Variants in UGGT2 observed in about 807,000 individuals in gnomAD.
The protein encoded by UGGT2 is UDP-glucose glycoprotein glucosyltransferase 2.
Under a neutral mutation model 192.1 loss-of-function variants are expected in UGGT2, and 180 were observed. The observed-to-expected ratio is 0.94, with a 90% CI of 0.83 to 1.06. The LOEUF is 1.06. Among genes scored for constraint, UGGT2 ranks in the 50% least tolerant of loss-of-function variants. The pLI is 0.00. For synonymous variants in UGGT2, 580 were observed against 591.0 expected (o/e 0.98, Z 0.27); for missense variants, 1,849 against 1,795.7 (o/e 1.03, Z -0.54).
At chr13:95,893,191 C>G (rs1400754560) in intron 24 of UGGT2, among the ~76,000 whole-genome samples, 1 of 151,816 alleles carries the variant, frequency 6.6e-6, no homozygotes, top group Non-Finnish European at 1.5e-5. Flanking sequence ...TTCTTATAAG[C>G]CAATTTAAAT....
intron 15 of UGGT2, among the ~76,000 whole-genome samples, chr13:95,942,169 T>C (rs958800026): frequency 7.2e-5 from 11 of 151,928 alleles, no homozygotes; most frequent in African/African-American, 2.4e-4. Flanking sequence ...TGAATGATTC[T>C]GCTAACAATA....
intron 1 of UGGT2, among the ~76,000 whole-genome samples, chr13:96,051,368 C>T (rs2053480612): frequency 6.6e-6 from 1 of 152,082 alleles, no homozygotes. Flanking sequence ...TTAGGAGATA[C>T]ACCTAATGTA....
chr13:96,050,664 G>A (rs9562017), intron 1 of UGGT2, among the ~76,000 whole-genome samples: 59,147 of 152,036 alleles, frequency 0.39, 11,733 homozygotes, highest in Middle Eastern at 0.43. Context: ...ATCAAAAAGT[G>A]GGTGAAGGAT....
At chr13:95,885,834 G>A (rs2047629877) in intron 26 of UGGT2, among the ~76,000 whole-genome samples, 1 of 152,150 alleles carries the variant, frequency 6.6e-6, no homozygotes, top group South Asian at 2.1e-4. Context: ...TACAATTTCA[G>A]TGGCAAAGAG....
chr13:95,928,091 ATCTC>A (rs956613982), intron 17 of UGGT2, among the ~76,000 whole-genome samples: 6 of 152,166 alleles, frequency 3.9e-5, no homozygotes, highest in Non-Finnish European at 7.4e-5. Flanking sequence ...TAACAATCTG[ATCTC>A]TCTTTCTTTT....
chr13:95,915,661 G>C (rs947395212), intron 20 of UGGT2, among the ~76,000 whole-genome samples: 5 of 152,222 alleles, frequency 3.3e-5, no homozygotes, highest in African/African-American at 1.2e-4. Context: ...TTCCGGGGGA[G>C]GGTGGCCACC....
chr13:95,880,051 G>A (rs2047450073), intron 27 of UGGT2, among the ~76,000 whole-genome samples: 1 of 152,028 alleles, frequency 6.6e-6, no homozygotes, highest in Non-Finnish European at 1.5e-5. Context: ...TAGCCCTCTG[G>A]CCCCGTGACA....
At chr13:95,839,832 C>T (rs549639327) in intron 36 of UGGT2, among the ~76,000 whole-genome samples, 1 of 152,172 alleles carries the variant, frequency 6.6e-6, no homozygotes, top group African/African-American at 2.4e-5. Flanking sequence ...GCTATCATAG[C>T]GAGTATGAAG....
chr13:95,949,312 T>A (rs762007823), intron 13 of UGGT2, 23 bp downstream of exon 13: 1 of 1,487,716 alleles, frequency 6.7e-7, no homozygotes, highest in African/African-American at 1.4e-5. Flanking sequence ...GATATATATG[T>A]ATAATCAAAA....
intron 38 of UGGT2, among the ~76,000 whole-genome samples, chr13:95,805,641 A>C (rs2139726925): frequency 6.6e-6 from 1 of 152,310 alleles, no homozygotes; most frequent in African/African-American, 2.4e-5. Flanking sequence ...AACATGAATA[A>C]ATCTTGACAA....
At chr13:95,927,855 G>A (rs1187926646) in intron 17 of UGGT2, among the ~76,000 whole-genome samples, 2 of 152,122 alleles carry the variant, frequency 1.3e-5, no homozygotes, top group Non-Finnish European at 2.9e-5. Flanking sequence ...AGATTCGGGA[G>A]TGGTGATGAC....
At chr13:96,006,279 G>A (rs2051971763) in intron 5 of UGGT2, among the ~76,000 whole-genome samples, 2 of 152,146 alleles carry the variant, frequency 1.3e-5, no homozygotes, top group African/African-American at 4.8e-5. Flanking sequence ...CACTGTAACA[G>A]AAATAAAGAA....
chr13:95,921,273 A>G (rs9561984), intron 20 of UGGT2, among the ~76,000 whole-genome samples: 1 of 150,990 alleles, frequency 6.6e-6, no homozygotes, highest in Non-Finnish European at 1.5e-5. Context: ...AATGGGATGA[A>G]CTGTGTAGCA....
chr13:95,802,203 G>A (rs1884093020), intron 38 of UGGT2, among the ~76,000 whole-genome samples: 1 of 152,116 alleles, frequency 6.6e-6, no homozygotes. Flanking sequence ...GAAAGCAGAG[G>A]ACATATTAAT....
At chr13:95,998,825 T>C (rs2051706594) in intron 6 of UGGT2, among the ~76,000 whole-genome samples, 1 of 152,070 alleles carries the variant, frequency 6.6e-6, no homozygotes, top group African/African-American at 2.4e-5. Flanking sequence ...TTCAAATAAA[T>C]ATTTCAGACA....
intron 37 of UGGT2, among the ~76,000 whole-genome samples, chr13:95,833,927 C>A (rs1886997329): frequency 6.6e-6 from 1 of 152,178 alleles, no homozygotes; most frequent in Non-Finnish European, 1.5e-5. Flanking sequence ...ATTTTCTCCA[C>A]TTGCTTTCCT....
intron 21 of UGGT2, among the ~76,000 whole-genome samples, chr13:95,902,236 A>G (rs1453853141): frequency 1.3e-5 from 2 of 152,152 alleles, no homozygotes; most frequent in African/African-American, 4.8e-5. Context: ...TCTCACTCTC[A>G]GAATAATAGT....
chr13:96,002,558 C>A (rs2139023766), intron 5 of UGGT2, among the ~76,000 whole-genome samples: 1 of 152,316 alleles, frequency 6.6e-6, no homozygotes, highest in South Asian at 2.1e-4. Flanking sequence ...TAATCATTTA[C>A]AAACTGTACA....
chr13:95,804,494 G>A (rs931132366), intron 38 of UGGT2, among the ~76,000 whole-genome samples: 4 of 152,100 alleles, frequency 2.6e-5, no homozygotes, highest in Non-Finnish European at 4.4e-5. Context: ...AAGGGATGCC[G>A]AAAATATTGT....
Sources: gnomAD v4.1 joint callset for allele counts (sites outside exome capture counted in the v4.1 genomes callset) on GRCh38, gnomAD v4.1.1 for gene constraint, MANE v1.5 for transcripts, NCBI Gene and HGNC (gene_info 2026-07-23, HGNC 2026-07-21) for gene names.